The following ZNF316 variants were observed in gnomAD, a reference collection of about 807,000 sequenced individuals.
ZNF316 encodes the protein zinc finger protein 316.
ZNF316 carries 23 observed loss-of-function variants against 75.6 expected under a neutral mutation model. The observed-to-expected ratio is 0.30, with a 90% CI of 0.22 to 0.43. ZNF316 has a LOEUF of 0.43. Ranked by LOEUF, ZNF316 falls within the 20% of genes least tolerant of loss-of-function variation. The probability of loss-of-function intolerance (pLI) is 1.00; values close to 1 mark genes in which losing one functional copy is unlikely to be tolerated. For synonymous variants in ZNF316, 827 were observed against 666.2 expected, an observed-to-expected ratio of 1.24 and a Z score of -3.72; for missense variants, 1,266 against 1,409.4, an observed-to-expected ratio of 0.90 and a Z score of 1.63.
Position 6,640,589 on chromosome 7 carries a change from G to C in ZNF316, c.-166-1236G>C, listed in dbSNP as rs200015414. On this transcript the variant is annotated intron_variant, in intron 3 of 8. Coordinates refer to ENST00000382252, the MANE Select transcript of ZNF316 (RefSeq NM_001278559.2). The surrounding 1 kb of genome is among the most constrained non-coding windows in gnomAD (Gnocchi z 5.1). ...CCACCAGGCCCCGCCTCCAGCATTG[G>C]GGATTACGGTTCAGCGTGAGATCTG... Among the ~76,000 whole-genome samples the C allele has an allele frequency of 6.6e-6, 1 of 152,218 alleles. No homozygotes were observed. The highest frequency in any genetic ancestry group is 1.5e-5 in the Non-Finnish European group (1 of 68,030).
chr7:6,652,819 A>T lies in ZNF316; in HGVS notation c.1223A>T (p.Lys408Met). 7.9e-7 allele frequency: 1 copy of T among 1,261,016 alleles called. No individual in the cohort carries two copies. The highest frequency in any genetic ancestry group is 1.0e-6 in the Non-Finnish European group (1 of 1,003,148). The allele number at this position is 1,261,016 out of a possible 1,614,324, so 78.1% of individuals were successfully genotyped here. ...EKPFPCPDCG[K>M]RFVYKSHLVT... Reference sequence around the variant, plus strand: ...CCCTTCCCGTGCCCGGACTGCGGCAAGCGCTTCGTCTACAAGTCGCACCTG... The same window carrying T: ...CCCTTCCCGTGCCCGGACTGCGGCATGCGCTTCGTCTACAAGTCGCACCTG... The change falls in exon 9 of 9, where the codon AAG (lysine) becomes ATG (methionine). Residue 408 changes from lysine to methionine, a missense_variant. Coordinates refer to ENST00000382252, the MANE Select transcript of ZNF316 (RefSeq NM_001278559.2).
rs1459198991 is a variant in ZNF316, at chr7:6,637,687, C to T, written c.-430-159C>T. On this transcript the variant is annotated intron_variant, in intron 1 of 8. Transcript: ENST00000382252. This position sits in a 1 kb window ranked among gnomAD's most constrained non-coding sequence, Gnocchi z 6.2. ...CCGTCCGGGCCTGCGCGTTGCCGAC[C>T]CCCGGGGCCGGTCCGGGCAGGAGGC... Among the ~76,000 whole-genome samples the T allele has an allele frequency of 6.6e-6, 1 of 151,338 alleles. No homozygotes were observed. Among genetic ancestry groups the T allele is most frequent in the African/African-American group, 2.4e-5 (1 of 41,332 alleles).
intron 8 of ZNF316, among the ~76,000 whole-genome samples, chr7:6,647,089 G>A (rs998650632): frequency 2.0e-5 from 3 of 152,240 alleles, no homozygotes; most frequent in African/African-American, 7.2e-5. Context: ...AGAAAATTGT[G>A]GCTGTGGGTG....
At chr7:6,645,146 T>A (rs541618557) in intron 8 of ZNF316, among the ~76,000 whole-genome samples, 46 of 152,358 alleles carry the variant, frequency 3.0e-4, no homozygotes, top group African/African-American at 1.0e-3. Flanking sequence ...GGCCCAGCTC[T>A]GGCTCTGCTC....
chr7:6,638,444 A>G (rs916835435), intron 2 of ZNF316, among the ~76,000 whole-genome samples: 7 of 151,892 alleles, frequency 4.6e-5, no homozygotes, highest in Non-Finnish European at 7.4e-5. Flanking sequence ...ACACAAGCAC[A>G]CCCCCACATC....
Position 6,653,159 on chromosome 7 carries a change from CGGCGAG to C in ZNF316, c.1564_1569del (p.Gly522_Glu523del). On this transcript the variant is annotated inframe_deletion, in exon 9 of 9. Coordinates refer to ENST00000382252, the MANE Select transcript of ZNF316 (RefSeq NM_001278559.2). Reference sequence around the variant, plus strand: ...GTGGTGACGGCCCCCGGCGGGAGCCCGGCGAGACGGCGGCCGCCGCGGGGCCCGAGG... The same window carrying C: ...GTGGTGACGGCCCCCGGCGGGAGCCCACGGCGGCCGCCGCGGGGCCCGAGG... The C allele has an allele frequency of 8.4e-7, 1 of 1,190,152 alleles. No individual in the cohort carries two copies. The allele number at this position is 1,190,152 out of a possible 1,614,324, so 73.7% of individuals were successfully genotyped here. A position where few individuals can be genotyped will look rare whatever the true frequency, so the allele number is the denominator to read the frequency against.
chr7:6,652,986 C>G lies in ZNF316; in HGVS notation c.1390C>G (p.Arg464Gly). Residue 464 changes from arginine to glycine, a missense_variant, in exon 9 of 9, where the codon CGC becomes GGC. Arg to Gly is a moderately radical substitution (Grantham distance 125). Around this residue, in one of 3 missense-constraint regions of ZNF316, gnomAD observed 961 missense variants for 990.9 expected, o/e 0.97. Transcript: ENST00000382252. ...ERPYPCSHCGRSFSQSSALAR... is the reference protein window; with the variant it reads ...ERPYPCSHCGGSFSQSSALAR... The stretch of plus-strand genomic sequence containing the variant: ...ACCCTACCCGTGTTCGCACTGCGGC[C>G]GCAGCTTCAGCCAGAGCTCGGCGCT... The G allele has an allele frequency of 8.1e-7, 1 of 1,233,930 alleles. No individual in the cohort carries two copies. The highest frequency in any genetic ancestry group is 1.0e-6 in the Non-Finnish European group (1 of 987,994). 76.4% of individuals were successfully genotyped at this position (1,233,930 alleles called of 1,614,324 possible).
At position 6,642,397 on chromosome 7, in the gene ZNF316, G is replaced by A. The variant is rs910347624; in HGVS notation, c.-13G>A. On this transcript the variant is annotated 5_prime_UTR_variant, in exon 5 of 9. Coordinates refer to ENST00000382252, the MANE Select transcript of ZNF316 (RefSeq NM_001278559.2). The surrounding 1 kb of genome is among the most constrained non-coding windows in gnomAD (Gnocchi z 8.1). Reference sequence around the variant, plus strand: ...TGCATTTCAGGCCACGTGGAGGCTCGCTCCCAGGGAGGATGGCGGCGCTCC... The same window carrying A: ...TGCATTTCAGGCCACGTGGAGGCTCACTCCCAGGGAGGATGGCGGCGCTCC... The A allele has an allele frequency of 4.1e-6, 5 of 1,231,798 alleles. No individual in the cohort carries two copies. The highest frequency in any genetic ancestry group is 1.6e-5 in the African/African-American group (1 of 64,406). The allele number at this position is 1,231,798 out of a possible 1,614,324, so 76.3% of individuals were successfully genotyped here.
In ZNF316 at chr7:6,644,909, A is replaced by G. The variant is rs57990562; in HGVS notation, c.706+316A>G. Among the ~76,000 whole-genome samples the G allele has an allele frequency of 6.5e-3, 985 of 152,340 alleles. 6 individuals are homozygous for G. Among genetic ancestry groups the G allele is most frequent in the South Asian group, 0.02 (97 of 4,822 alleles). On this transcript the variant is annotated intron_variant, in intron 8 of 8. Coordinates refer to ENST00000382252, the MANE Select transcript of ZNF316 (RefSeq NM_001278559.2). ...GCCAGGGCAGACCCAGGAGCCCAGC[A>G]CGCCATCGCGGAGGCCTTTCTGATG...
chr7:6,648,120 C>T (rs2464873), intron 8 of ZNF316, among the ~76,000 whole-genome samples: 77,252 of 152,016 alleles, frequency 0.51, 20,718 homozygotes, highest in East Asian at 0.93. Flanking sequence ...GTGATGCCGA[C>T]GAGCACCCTC....
chr7:6,655,461 CG>C lies in ZNF316; in HGVS notation c.*852del, dbSNP rs893560146. 3.9e-5 allele frequency: 6 copies of C among 152,282 alleles called. No individual in the cohort carries two copies. The highest frequency in any genetic ancestry group is 1.4e-4 in the African/African-American group (6 of 41,528). The allele number at this position is 152,282 out of a possible 1,614,324, so 9.4% of individuals were successfully genotyped here. ...CCTTGGTACTTTCGTCTCCCTCAGC[CG>C]GAGGTGGCAAACTCAGACATCTACG... On this transcript the variant is annotated 3_prime_UTR_variant, in exon 9 of 9. Transcript: ENST00000382252.
intron 8 of ZNF316, among the ~76,000 whole-genome samples, chr7:6,646,889 A>G (rs1554290196): frequency 6.6e-6 from 1 of 152,028 alleles, no homozygotes; most frequent in Non-Finnish European, 1.5e-5. Context: ...CACACATGAC[A>G]TCTGGGCTCT....
Position 6,653,687 on chromosome 7 carries a change from C to T in ZNF316, c.2091C>T (p.Gly697=). 1 of 1,085,186 alleles carries T rather than the reference C, an allele frequency of 9.2e-7. No homozygotes were observed. Among genetic ancestry groups the T allele is most frequent in the African/African-American group, 1.7e-5 (1 of 58,612 alleles). 67.2% of individuals were successfully genotyped at this position (1,085,186 alleles called of 1,614,324 possible). ...EESPWICSDC[G]KTFGRRAALA... ...GCCCGTGGATCTGCTCGGACTGCGG[C>T]AAGACGTTTGGGCGCCGGGCCGCGC... Residue 697 remains glycine (G), a synonymous_variant, in exon 9 of 9, where the codon GGC becomes GGT. Transcript: ENST00000382252.
Position 6,654,395 on chromosome 7 carries a change from C to T in ZNF316, c.2799C>T (p.His933=). The change falls in exon 9 of 9, where the codon CAC becomes CAT. Residue 933 remains histidine (H), a synonymous_variant. Transcript: ENST00000382252. ...CGCAGAGCTCGCACTTGCTCACCCA[C>T]ATGAAGACGCACCGCGGAGCCACCG... ...RFSQSSHLLT[H]MKTHRGATAA... is the part of the protein sequence containing the mutation. 1 of 1,215,748 alleles carries T rather than the reference C, an allele frequency of 8.2e-7. No individual in the cohort carries two copies. The highest frequency in any genetic ancestry group is 1.0e-6 in the Non-Finnish European group (1 of 977,842). The allele number at this position is 1,215,748 out of a possible 1,614,324, so 75.3% of individuals were successfully genotyped here.
chr7:6,646,433 G>A (rs542665863), intron 8 of ZNF316, among the ~76,000 whole-genome samples: 4 of 152,180 alleles, frequency 2.6e-5, no homozygotes, highest in Non-Finnish European at 5.9e-5. Flanking sequence ...CTCCTGGAGG[G>A]TTAGGGGTAG....
intron 2 of ZNF316, among the ~76,000 whole-genome samples, chr7:6,638,764 A>C (rs559994413): frequency 6.6e-6 from 1 of 152,226 alleles, no homozygotes; most frequent in East Asian, 1.9e-4. Context: ...ACGTTGGTGA[A>C]GCTCCCTGTG....
intron 8 of ZNF316, among the ~76,000 whole-genome samples, chr7:6,649,564 C>G (rs1016268556): frequency 6.6e-6 from 1 of 152,212 alleles, no homozygotes; most frequent in African/African-American, 2.4e-5. Context: ...AACACCCTCA[C>G]TCAAGGATGT....
At chr7:6,648,599 C>T (rs1166298887) in intron 8 of ZNF316, among the ~76,000 whole-genome samples, 9 of 152,198 alleles carry the variant, frequency 5.9e-5, no homozygotes, top group Non-Finnish European at 1.2e-4. Context: ...CTGTTATCAA[C>T]CCATTTTACA....
At chr7:6,647,636 C>A (rs989456492) in intron 8 of ZNF316, among the ~76,000 whole-genome samples, 1 of 152,200 alleles carries the variant, frequency 6.6e-6, no homozygotes, top group Admixed American at 6.5e-5. Context: ...AGAGAAGTGG[C>A]GCTGTTCAGT....
Sources: allele counts gnomAD v4.1 joint callset (sites outside exome capture counted in the v4.1 genomes callset), GRCh38; gene constraint gnomAD v4.1.1; regional missense constraint gnomAD v4.1.1; non-coding constraint Gnocchi (gnomAD v3.1); transcripts MANE v1.5; gene names NCBI Gene and HGNC (gene_info 2026-07-23, HGNC 2026-07-21).